Variants in SESN3 observed in about 807,000 individuals in gnomAD.
SESN3 encodes sestrin-3.
In SESN3, 21 loss-of-function variants were observed where a neutral mutation model predicts 55.3. That is an observed-to-expected ratio of 0.38 (90% CI 0.27 to 0.55). The LOEUF (loss-of-function observed/expected upper bound fraction) is 0.55. SESN3 is among the 20% of genes least tolerant of loss of function. The probability of loss-of-function intolerance (pLI) is 0.76; values close to 1 mark genes in which losing one functional copy is unlikely to be tolerated. For missense variants in SESN3, 408 were observed against 604.3 expected (o/e 0.68, Z 3.41); for synonymous variants, 181 against 203.1 (o/e 0.89, Z 0.93).
rs1591082277 is a variant in SESN3 at position 95,225,944 on chromosome 11, C to T, written c.78+4839G>A. On this transcript the variant is annotated intron_variant, in intron 1 of 9. Coordinates refer to ENST00000536441, the MANE Select transcript of SESN3 (RefSeq NM_144665.4). ...GTGTCAAGGAGGCAATTTAATTATTCGAGAATCAAAAGTCAATGCCTTGCT... is the reference window on the plus strand; with the variant it reads ...GTGTCAAGGAGGCAATTTAATTATTTGAGAATCAAAAGTCAATGCCTTGCT... Among the ~76,000 whole-genome samples, 3 of 150,880 alleles carry T rather than the reference C, an allele frequency of 2.0e-5. No individual in the cohort carries two copies. In the South Asian group the frequency reaches 6.3e-4, roughly 31 times the overall value.
intron 1 of SESN3, among the ~76,000 whole-genome samples, chr11:95,207,361 G>GAT (rs1277075062): frequency 3.3e-5 from 5 of 151,492 alleles, no homozygotes; most frequent in African/African-American, 9.7e-5. Flanking sequence ...GAGGTAAGGT[G>GAT]ATACGATGAA....
chr11:95,194,412 C>G (rs1348834529), intron 1 of SESN3, among the ~76,000 whole-genome samples: 1 of 152,022 alleles, frequency 6.6e-6, no homozygotes, highest in Non-Finnish European at 1.5e-5. Context: ...AGTAGGCAGT[C>G]AGGCATTTAA....
At chr11:95,213,213 A>C (rs1331450519) in intron 1 of SESN3, among the ~76,000 whole-genome samples, 1 of 152,174 alleles carries the variant, frequency 6.6e-6, no homozygotes, top group Admixed American at 6.5e-5. Flanking sequence ...TTCTATACAT[A>C]GATCAGTTGC....
chr11:95,223,355 C>T (rs982022069), intron 1 of SESN3, among the ~76,000 whole-genome samples: 1 of 152,200 alleles, frequency 6.6e-6, no homozygotes, highest in African/African-American at 2.4e-5. Flanking sequence ...GCCAAACAGA[C>T]TAACCTTGCT....
chr11:95,198,221 C>G (rs1270516348), intron 1 of SESN3, among the ~76,000 whole-genome samples: 1 of 151,974 alleles, frequency 6.6e-6, no homozygotes, highest in Admixed American at 6.6e-5. Flanking sequence ...AGAATAATAT[C>G]AATTCTAGAC....
chr11:95,202,201 A>G (rs977362381), intron 1 of SESN3, among the ~76,000 whole-genome samples: 2 of 152,062 alleles, frequency 1.3e-5, no homozygotes, highest in African/African-American at 2.4e-5. Flanking sequence ...TTCTAACACA[A>G]TATCTGTAGC....
At chr11:95,200,952 T>A (rs1222421719) in intron 1 of SESN3, 1 of 152,060 alleles carries the variant, frequency 6.6e-6, no homozygotes, top group African/African-American at 2.4e-5. Flanking sequence ...TGTAGGGCGG[T>A]CGGTCAGTAC....
chr11:95,183,430 TTTAACA>T (rs1393562909), intron 6 of SESN3, among the ~76,000 whole-genome samples: 2 of 152,142 alleles, frequency 1.3e-5, no homozygotes, highest in Non-Finnish European at 2.9e-5. Context: ...ATGTTTTATG[TTTAACA>T]TTAACAAGTT....
intron 1 of SESN3, among the ~76,000 whole-genome samples, chr11:95,215,563 A>T (rs888381647): frequency 1.3e-5 from 2 of 152,204 alleles, no homozygotes; most frequent in South Asian, 4.1e-4. Context: ...CTGCTGAATT[A>T]CAATGACATT....
chr11:95,227,425 C>G (rs944757178), intron 1 of SESN3, among the ~76,000 whole-genome samples: 3 of 152,002 alleles, frequency 2.0e-5, no homozygotes, highest in Non-Finnish European at 4.4e-5. Flanking sequence ...AGGATGGTCT[C>G]GATCTTTTGA....
Position 95,189,900 on chromosome 11 carries a change from G to A in SESN3, c.404C>T (p.Thr135Ile). The A allele has an allele frequency of 1.2e-6, 2 of 1,611,186 alleles. No homozygotes were observed. Among genetic ancestry groups the A allele is most frequent in the Non-Finnish European group, 1.7e-6 (2 of 1,178,348 alleles). The change falls in exon 4 of 10, where the codon ACT (threonine) becomes ATT (isoleucine). Residue 135 changes from threonine (T) to isoleucine (I), a missense_variant. Physicochemically the swap from Thr to Ile is moderately conservative, Grantham distance 89. Coordinates refer to ENST00000536441, the MANE Select transcript of SESN3 (RefSeq NM_144665.4). ...INMHVDEFLK[T>I]GGIAEWLNGL... ...ATTCAACCACTCAGCAATACCTCCA[G>A]TCTTTAAAAATTCATCCACATGCAT...
At chr11:95,186,573 A>G (rs115862023) in intron 4 of SESN3, among the ~76,000 whole-genome samples, 1,853 of 152,006 alleles carry the variant, frequency 0.012, 47 homozygotes, top group African/African-American at 0.043. Flanking sequence ...ATAGTTAACA[A>G]TAACATACAG....
intron 1 of SESN3, among the ~76,000 whole-genome samples, chr11:95,199,728 T>C (rs2134243357): frequency 6.6e-6 from 1 of 152,142 alleles, no homozygotes; most frequent in East Asian, 1.9e-4. Flanking sequence ...TTCAGTGTAT[T>C]TTATTAAAAG....
At chr11:95,199,638 C>T (rs1363019989) in intron 1 of SESN3, among the ~76,000 whole-genome samples, 1 of 151,890 alleles carries the variant, frequency 6.6e-6, no homozygotes, top group Non-Finnish European at 1.5e-5. Context: ...AAAAGACTGA[C>T]TTCCAAAGAA....
At position 95,169,728 on chromosome 11, in the gene SESN3, T is replaced by G. The variant is rs577880561; in HGVS notation, c.*3527A>C. ...ACTATTTTAAGTACAGATCTTTAAT[T>G]GTTGATCATTTTATTTTGCTGTGGC... On this transcript the variant is annotated 3_prime_UTR_variant, in exon 10 of 10. Transcript: ENST00000536441. 6.6e-6 allele frequency: 1 copy of G among 152,258 alleles called. No homozygotes were observed. Among genetic ancestry groups the G allele is most frequent in the East Asian group, 1.9e-4 (1 of 5,180 alleles). The allele number at this position is 152,258 out of a possible 1,614,324, so 9.4% of individuals were successfully genotyped here. A position where few individuals can be genotyped will look rare whatever the true frequency, so the allele number is the denominator to read the frequency against.
intron 1 of SESN3, among the ~76,000 whole-genome samples, chr11:95,227,143 T>C (rs1278332062): frequency 6.6e-6 from 1 of 152,050 alleles, no homozygotes; most frequent in Non-Finnish European, 1.5e-5. Context: ...CAATTTTGAC[T>C]ATAAAAATGA....
rs755004805 is a variant in SESN3 at position 95,178,842 on chromosome 11, T to G, written c.938-14A>C. 7.0e-7 allele frequency: 1 copy of G among 1,424,004 alleles called. No individual in the cohort carries two copies. The highest frequency in any genetic ancestry group is 2.3e-5 in the East Asian group (1 of 43,938). The allele number at this position is 1,424,004 out of a possible 1,614,324, so 88.2% of individuals were successfully genotyped here. On this transcript the variant is annotated splice_polypyrimidine_tract_variant and intron_variant, in intron 6 of 9. Coordinates refer to ENST00000536441, the MANE Select transcript of SESN3 (RefSeq NM_144665.4). ...CATCCTCAAAATCTAAGGACAATAA[T>G]GAACAATCTAGTGTTAAGGATACTG...
At chr11:95,227,793 TTTG>T (rs1860975251) in intron 1 of SESN3, among the ~76,000 whole-genome samples, 1 of 152,186 alleles carries the variant, frequency 6.6e-6, no homozygotes, top group Non-Finnish European at 1.5e-5. Context: ...CTCAATGCAG[TTTG>T]ACACATGACT....
Position 95,230,726 on chromosome 11 carries a change from G to C in SESN3, c.78+57C>G. 3 of 1,393,294 alleles carry C rather than the reference G, an allele frequency of 2.2e-6. No individual in the cohort carries two copies. The highest frequency in any genetic ancestry group is 3.0e-6 in the Non-Finnish European group (3 of 998,302). 86.3% of individuals were successfully genotyped at this position (1,393,294 alleles called of 1,614,324 possible). On this transcript the variant is annotated intron_variant, in intron 1 of 9. Coordinates refer to ENST00000536441, the MANE Select transcript of SESN3 (RefSeq NM_144665.4). The surrounding 1 kb of genome is among the most constrained non-coding windows in gnomAD (Gnocchi z 4.6). ...GTGCGCGCCCGGGGACGAGCCGCCC[G>C]AGCCCCGGCCGGCAGGAAGCGACCC...
Sources: gnomAD v4.1 joint callset for allele counts (sites outside exome capture counted in the v4.1 genomes callset) on GRCh38, gnomAD v4.1.1 for gene constraint, Gnocchi (gnomAD v3.1) non-coding constraint, MANE v1.5 for transcripts, NCBI Gene and HGNC (gene_info 2026-07-23, HGNC 2026-07-21) for gene names.